Variants in SLC71A2 observed in about 807,000 individuals in gnomAD.
SLC71A2 encodes the protein hippocampus abundant transcript-like 1.
At chr9:94,377,840 C>T in the SLC71A2 span, among the ~76,000 whole-genome samples, 1 of 152,050 alleles carries the variant, frequency 6.6e-6, no homozygotes, top group Non-Finnish European at 1.5e-5. Flanking sequence ...GGCACGGTGG[C>T]TCACACCTGT....
At chr9:94,454,183 A>G in the SLC71A2 span, 1 of 699,692 alleles carries the variant, frequency 1.4e-6, no homozygotes, top group Non-Finnish European at 2.5e-6. Flanking sequence ...GGTTTGGTGT[A>G]TTCAACATTG....
the SLC71A2 span, among the ~76,000 whole-genome samples, chr9:94,413,462 T>A: frequency 6.6e-6 from 1 of 152,002 alleles, no homozygotes; most frequent in Non-Finnish European, 1.5e-5. Context: ...TTTAAATAAG[T>A]GAAAATTCCA....
chr9:94,458,859 T>C, the SLC71A2 span, among the ~76,000 whole-genome samples: 1 of 152,224 alleles, frequency 6.6e-6, no homozygotes, highest in Non-Finnish European at 1.5e-5. Context: ...TTAATGTTCA[T>C]GTACAAAGGT....
the SLC71A2 span, among the ~76,000 whole-genome samples, chr9:94,457,150 G>T: frequency 6.6e-6 from 1 of 152,034 alleles, no homozygotes; most frequent in East Asian, 1.9e-4. Flanking sequence ...ATTTTTAGTG[G>T]AGATGGGGTT....
chr9:94,419,527 G>A, the SLC71A2 span, among the ~76,000 whole-genome samples: 6 of 152,012 alleles, frequency 3.9e-5, no homozygotes, highest in African/African-American at 1.2e-4. Flanking sequence ...GGATGGTCTC[G>A]ATCTCCTGAC....
chr9:94,422,055 T>G, the SLC71A2 span, among the ~76,000 whole-genome samples: 1 of 152,292 alleles, frequency 6.6e-6, no homozygotes, highest in African/African-American at 2.4e-5. Context: ...GGCTAGTTTT[T>G]GTATTTTTAG....
chr9:94,416,381 C>G, the SLC71A2 span, among the ~76,000 whole-genome samples: 1 of 152,050 alleles, frequency 6.6e-6, no homozygotes, highest in Non-Finnish European at 1.5e-5. Flanking sequence ...AAAATTGGAG[C>G]TTAACTCTTC....
chr9:94,456,736 CAA>C, the SLC71A2 span, among the ~76,000 whole-genome samples: 2 of 152,140 alleles, frequency 1.3e-5, no homozygotes, highest in Admixed American at 6.6e-5. Context: ...TGGAATAACT[CAA>C]AGTCTTTGAG....
At chr9:94,381,329 C>T in the SLC71A2 span, among the ~76,000 whole-genome samples, 1 of 151,678 alleles carries the variant, frequency 6.6e-6, no homozygotes. Flanking sequence ...AGCTACTGCC[C>T]CCAGCTGGTT....
At chr9:94,446,897 A>G in the SLC71A2 span, 3 of 1,611,450 alleles carry the variant, frequency 1.9e-6, no homozygotes, top group South Asian at 2.2e-5. Flanking sequence ...ACCTTCCTGA[A>G]GCTGGACAGT....
chr9:94,453,066 A>G, the SLC71A2 span, among the ~76,000 whole-genome samples: 1 of 152,104 alleles, frequency 6.6e-6, no homozygotes, highest in Non-Finnish European at 1.5e-5. Context: ...TTTTTGTTGA[A>G]ATGTGTTGCA....
At chr9:94,378,550 A>T in the SLC71A2 span, among the ~76,000 whole-genome samples, 1 of 151,664 alleles carries the variant, frequency 6.6e-6, no homozygotes, top group Non-Finnish European at 1.5e-5. Flanking sequence ...ATTGTTTGAA[A>T]CTGGGAGGCG....
At chr9:94,441,567 T>TA in the SLC71A2 span, among the ~76,000 whole-genome samples, 3 of 152,226 alleles carry the variant, frequency 2.0e-5, no homozygotes, top group South Asian at 2.1e-4. Flanking sequence ...TTGAATTTTT[T>TA]AAAAAATTAG....
chr9:94,384,352 T>C, the SLC71A2 span, among the ~76,000 whole-genome samples: 1 of 151,540 alleles, frequency 6.6e-6, no homozygotes, highest in East Asian at 1.9e-4. Context: ...TTTTTTTTTT[T>C]TGGACACATG....
At chr9:94,434,851 CA>C in the SLC71A2 span, among the ~76,000 whole-genome samples, 1 of 152,212 alleles carries the variant, frequency 6.6e-6, no homozygotes, top group African/African-American at 2.4e-5. Flanking sequence ...CATTGTTTCA[CA>C]GCTGCAATTG....
the SLC71A2 span, among the ~76,000 whole-genome samples, chr9:94,441,949 C>T: frequency 6.6e-6 from 1 of 152,174 alleles, no homozygotes; most frequent in African/African-American, 2.4e-5. Flanking sequence ...CTGCCAGTTA[C>T]TTTCAGATGT....
the SLC71A2 span, among the ~76,000 whole-genome samples, chr9:94,439,557 T>TA: frequency 1.3e-5 from 2 of 151,284 alleles, no homozygotes; most frequent in Non-Finnish European, 2.9e-5. Context: ...TTTTTTTTTT[T>TA]AGCTCGTGTG....
the SLC71A2 span, among the ~76,000 whole-genome samples, chr9:94,385,423 T>C: frequency 1.0e-3 from 152 of 152,320 alleles, 3 homozygotes; most frequent in Middle Eastern, 6.8e-3. Flanking sequence ...GCCCAACTTC[T>C]CTCTCTCTTT....
the SLC71A2 span, among the ~76,000 whole-genome samples, chr9:94,419,584 C>T: frequency 6.6e-6 from 1 of 152,142 alleles, no homozygotes; most frequent in Non-Finnish European, 1.5e-5. Flanking sequence ...GGATCACTGG[C>T]GTGAGCCACT....
Sources: allele counts gnomAD v4.1 joint callset (sites outside exome capture counted in the v4.1 genomes callset), GRCh38; gene constraint gnomAD v4.1.1; transcripts MANE v1.5; gene names NCBI Gene and HGNC (gene_info 2026-07-23, HGNC 2026-07-21).